Variants in SHROOM4 observed in about 807,000 individuals in gnomAD.
SHROOM4 encodes the protein shroom family member 4, also known as protein Shroom4.
SHROOM4 carries 17 observed loss-of-function variants against 80.3 expected under a neutral mutation model. The ratio of observed to expected loss-of-function variants is 0.21; its 90% CI spans 0.14 to 0.32. The LOEUF is 0.32. Ranked by LOEUF, SHROOM4 falls within the 10% of genes least tolerant of loss-of-function variation. SHROOM4 has a pLI of 1.00. For synonymous variants in SHROOM4, 400 were observed against 437.5 expected, an observed-to-expected ratio of 0.91 and a Z score of 1.07; for missense variants, 993 against 1,140.3, an observed-to-expected ratio of 0.87 and a Z score of 1.86.
intron 2 of SHROOM4, among the ~76,000 whole-genome samples, chrX:50,691,974 C>G (rs782512794): frequency 9.0e-5 from 10 of 111,198 alleles, no homozygotes; most frequent in African/African-American, 3.3e-4. Flanking sequence ...AAGCCTTCAC[C>G]AATAGGGGCT....
At chrX:50,803,399 A>G (rs1454823787) in intron 1 of SHROOM4, among the ~76,000 whole-genome samples, 3 of 112,162 alleles carry the variant, frequency 2.7e-5, no homozygotes, top group Non-Finnish European at 5.6e-5. Flanking sequence ...ATGAACAAAC[A>G]CTACATGCTC....
chrX:50,598,673 G>A (rs1226009846), intron 7 of SHROOM4, 138 bp from the exon 8 acceptor site: 1 of 774,498 alleles, frequency 1.3e-6, no homozygotes, highest in Non-Finnish European at 1.9e-6. Context: ...AAGGAAACTT[G>A]GGCAAGTCAT....
At chrX:50,805,836 G>C (rs953719064) in intron 1 of SHROOM4, among the ~76,000 whole-genome samples, 3 of 111,577 alleles carry the variant, frequency 2.7e-5, no homozygotes, top group African/African-American at 9.8e-5. Context: ...GATAGAGAGA[G>C]ATGCAGTGTG....
chrX:50,711,320 A>G (rs1022987024), intron 1 of SHROOM4, among the ~76,000 whole-genome samples: 2 of 112,047 alleles, frequency 1.8e-5, no homozygotes, highest in Non-Finnish European at 3.8e-5. Context: ...CCTCCCAGTT[A>G]GAATCAATGA....
chrX:50,779,510 G>A (rs1461755243), intron 1 of SHROOM4, among the ~76,000 whole-genome samples: 4 of 111,825 alleles, frequency 3.6e-5, no homozygotes, highest in Non-Finnish European at 7.5e-5. Context: ...TAAAGAGCAA[G>A]CCAAGGATAA....
intron 1 of SHROOM4, among the ~76,000 whole-genome samples, chrX:50,738,756 A>G (rs1934567129): frequency 8.9e-6 from 1 of 111,750 alleles, no homozygotes; most frequent in South Asian, 3.8e-4. Context: ...CGTACTGCCC[A>G]AGGTAATTTA....
chrX:50,797,163 G>T (rs1324192573), intron 1 of SHROOM4, among the ~76,000 whole-genome samples: 1 of 110,558 alleles, frequency 9.0e-6, no homozygotes, highest in Non-Finnish European at 1.9e-5. Flanking sequence ...TCGATTTACA[G>T]AGGAGAATGG....
chrX:50,732,356 G>C (rs1934392210), intron 1 of SHROOM4, among the ~76,000 whole-genome samples: 1 of 111,396 alleles, frequency 9.0e-6, no homozygotes, highest in African/African-American at 3.3e-5. Flanking sequence ...AGAAGGGAAG[G>C]GCTAGTATCC....
rs376376340 is a variant in SHROOM4 at position 50,740,188 on chromosome X, C to T, written c.118-44251G>A. Among the ~76,000 whole-genome samples, 239 of 87,210 alleles carry T rather than the reference C, an allele frequency of 2.7e-3. 1 individual carries two copies. Among genetic ancestry groups the T allele is most frequent in the African/African-American group, 9.3e-3 (217 of 23,405 alleles). 75.7% of individuals were successfully genotyped at this position (87,210 alleles called of 115,157 possible). A position where few individuals can be genotyped will look rare whatever the true frequency, so the allele number is the denominator to read the frequency against. On this transcript the variant is annotated intron_variant, in intron 1 of 8. Transcript: ENST00000376020. ...CACACACTGGGGACTGTTGTGGGGT[C>T]GGGGGAGAGGGGAGGGATAGCATTA... is the stretch of plus-strand genomic sequence containing the variant.
At chrX:50,805,644 C>T (rs1239345853) in intron 1 of SHROOM4, among the ~76,000 whole-genome samples, 2 of 111,812 alleles carry the variant, frequency 1.8e-5, no homozygotes, top group African/African-American at 6.5e-5. Flanking sequence ...AGTCAGCCTT[C>T]ACACTTCCAC....
intron 3 of SHROOM4, among the ~76,000 whole-genome samples, chrX:50,636,034 A>G (rs1931342161): frequency 9.0e-6 from 1 of 111,513 alleles, no homozygotes; most frequent in South Asian, 3.9e-4. Context: ...CAATCACAGA[A>G]TATCAGCATT....
chrX:50,635,795 G>A, intron 3 of SHROOM4, 127 bp from the exon 4 acceptor site: 1 of 567,450 alleles, frequency 1.8e-6, no homozygotes, highest in East Asian at 3.6e-5. Context: ...AAAAAAAGGG[G>A]GAAGAAAGGG....
intron 1 of SHROOM4, among the ~76,000 whole-genome samples, chrX:50,797,154 C>T (rs1293545309): frequency 9.2e-6 from 1 of 109,241 alleles, no homozygotes; most frequent in Non-Finnish European, 1.9e-5. Flanking sequence ...GAGAGGCAGT[C>T]GATTTACAGA....
At chrX:50,670,821 A>G (rs1319057490) in intron 2 of SHROOM4, among the ~76,000 whole-genome samples, 1 of 112,185 alleles carries the variant, frequency 8.9e-6, no homozygotes, top group Admixed American at 9.4e-5. Flanking sequence ...ATGAGATGGC[A>G]TCTCATTGTG....
At chrX:50,578,353 CTAGAG>C in the SHROOM4 span, among the ~76,000 whole-genome samples, 3 of 112,520 alleles carry the variant, frequency 2.7e-5, no homozygotes, top group African/African-American at 9.7e-5. Context: ...GTTGCACAGG[CTAGAG>C]TACAGTGGCG....
intron 1 of SHROOM4, among the ~76,000 whole-genome samples, chrX:50,741,651 C>G (rs781947326): frequency 9.0e-6 from 1 of 110,874 alleles, no homozygotes; most frequent in Non-Finnish European, 1.9e-5. Flanking sequence ...ACTTGCATTT[C>G]CCTAATGACT....
At chrX:50,610,420 G>A (rs1432815862) in intron 5 of SHROOM4, among the ~76,000 whole-genome samples, 1 of 107,603 alleles carries the variant, frequency 9.3e-6, no homozygotes, top group Non-Finnish European at 1.9e-5. Flanking sequence ...AATGACAAAC[G>A]TGTACCAGGC....
At chrX:50,804,052 A>T (rs953440104) in intron 1 of SHROOM4, among the ~76,000 whole-genome samples, 1 of 111,973 alleles carries the variant, frequency 8.9e-6, no homozygotes, top group Non-Finnish European at 1.9e-5. Flanking sequence ...AACTTCATAC[A>T]CTTCAATTTT....
intron 1 of SHROOM4, among the ~76,000 whole-genome samples, chrX:50,795,828 A>G (rs781805690): frequency 8.9e-6 from 1 of 112,133 alleles, no homozygotes; most frequent in Non-Finnish European, 1.9e-5. Flanking sequence ...TTCTTTCTCT[A>G]TAAAATGGGG....
Sources: gnomAD v4.1 joint callset for allele counts (sites outside exome capture counted in the v4.1 genomes callset) on GRCh38, gnomAD v4.1.1 for gene constraint, MANE v1.5 for transcripts, NCBI Gene and HGNC (gene_info 2026-07-23, HGNC 2026-07-21) for gene names.